Variants in CENPC observed in about 807,000 individuals in gnomAD.
CENPC encodes the protein CENP-C 1.
A neutral mutation model predicts 112.1 loss-of-function variants in CENPC; 63 were observed. That is an observed-to-expected ratio of 0.56 (90% CI 0.46 to 0.69). CENPC has a LOEUF of 0.69. Among genes scored for constraint, CENPC ranks in the 30% least tolerant of loss-of-function variants. The pLI, the probability that CENPC is intolerant of heterozygous loss-of-function variation, is 0.00. For synonymous variants in CENPC, 333 were observed against 367.6 expected (o/e 0.91, Z 1.08); for missense variants, 1,000 against 1,103.8 (o/e 0.91, Z 1.33).
At chr4:67,478,703 G>T (rs556717763) in intron 17 of CENPC, among the ~76,000 whole-genome samples, 1 of 150,706 alleles carries the variant, frequency 6.6e-6, no homozygotes, top group East Asian at 2.0e-4. Context: ...ACAATGAACA[G>T]AACAGTACCT....
chr4:67,477,710 A>C (rs1451441550), intron 17 of CENPC, among the ~76,000 whole-genome samples: 1 of 152,214 alleles, frequency 6.6e-6, no homozygotes, highest in Non-Finnish European at 1.5e-5. Context: ...TAAATCTCTG[A>C]ATTGCCAGAA....
intron 3 of CENPC, 115 bp downstream of exon 3, chr4:67,540,865 T>C (rs1726866311): frequency 1.3e-6 from 1 of 757,606 alleles, no homozygotes; most frequent in Non-Finnish European, 2.2e-6. Flanking sequence ...AGGGAAAATA[T>C]TTTCCATATA....
At chr4:67,498,096 G>A (rs1287766093) in intron 12 of CENPC, among the ~76,000 whole-genome samples, 2 of 151,810 alleles carry the variant, frequency 1.3e-5, no homozygotes, top group African/African-American at 4.8e-5. Context: ...GCTGGGTGTG[G>A]TGGTGTACAC....
At chr4:67,544,633 C>T (rs1038135293) in intron 1 of CENPC, among the ~76,000 whole-genome samples, 1 of 151,940 alleles carries the variant, frequency 6.6e-6, no homozygotes, top group Non-Finnish European at 1.5e-5. Context: ...GTAACCATAA[C>T]CAAAGTATGA....
chr4:67,480,360 C>A (rs1724920045), intron 17 of CENPC, among the ~76,000 whole-genome samples: 2 of 152,078 alleles, frequency 1.3e-5, no homozygotes, highest in Admixed American at 1.3e-4. Context: ...ATTCCAGGAC[C>A]AGATGGATTC....
chr4:67,486,548 C>T (rs1725099598), intron 17 of CENPC, among the ~76,000 whole-genome samples: 1 of 152,184 alleles, frequency 6.6e-6, no homozygotes, highest in Non-Finnish European at 1.5e-5. Context: ...ATTAGCGGTT[C>T]TCAATCAAGG....
At chr4:67,496,021 G>A (rs892843955) in intron 12 of CENPC, among the ~76,000 whole-genome samples, 2 of 152,132 alleles carry the variant, frequency 1.3e-5, no homozygotes, top group East Asian at 3.9e-4. Context: ...GGGCTTAAAA[G>A]GCTAAGTCCT....
intron 5 of CENPC, among the ~76,000 whole-genome samples, chr4:67,522,230 T>A (rs181125455): frequency 3.2e-4 from 49 of 152,276 alleles, no homozygotes; most frequent in African/African-American, 1.1e-3. Flanking sequence ...ACAGTAGTAT[T>A]TAAGTTGGGA....
chr4:67,514,043 GCTCAT>G (rs765516825), intron 8 of CENPC, 26 bp downstream of exon 8: 1 of 1,520,856 alleles, frequency 6.6e-7, no homozygotes, highest in Admixed American at 2.2e-5. Context: ...GTAGAATAAT[GCTCAT>G]GGTTATATTT....
At chr4:67,507,410 CTTCAGG>C (rs1449507272) in intron 10 of CENPC, among the ~76,000 whole-genome samples, 1 of 152,122 alleles carries the variant, frequency 6.6e-6, no homozygotes, top group Admixed American at 6.6e-5. Context: ...CTGTATAATT[CTTCAGG>C]TTCTAGTATC....
rs1418242134 is a variant in CENPC, at chr4:67,470,708, TAC to T, written c.*1895_*1896del. On this transcript the variant is annotated 3_prime_UTR_variant, in exon 19 of 19. Transcript: ENST00000273853. ...CACCCCTAGGTTGATTGGTAAAAAC[TAC>T]AGTTTTGTCTGGCTGTAGCTAACTG... 1.3e-5 allele frequency: 2 copies of T among 152,184 alleles called. No homozygotes were observed. The highest frequency in any genetic ancestry group is 2.9e-5 in the Non-Finnish European group (2 of 68,044). 9.4% of individuals were successfully genotyped at this position (152,184 alleles called of 1,614,324 possible).
chr4:67,482,154 C>T (rs1240961350), intron 17 of CENPC, among the ~76,000 whole-genome samples: 4 of 151,910 alleles, frequency 2.6e-5, no homozygotes, highest in Non-Finnish European at 4.4e-5. Context: ...GGCCAAGAAG[C>T]ACACAAAAAA....
At chr4:67,475,090 A>C in intron 17 of CENPC, 112 bp from the exon 18 acceptor site, 1 of 640,384 alleles carries the variant, frequency 1.6e-6, no homozygotes. Flanking sequence ...TGCTGGCTTT[A>C]ATCTCCAGAA....
chr4:67,519,887 C>T (rs966658320), intron 5 of CENPC, among the ~76,000 whole-genome samples: 4 of 152,052 alleles, frequency 2.6e-5, no homozygotes, highest in Admixed American at 1.3e-4. Context: ...CCCTTCAGAA[C>T]GAGATGGCAT....
chr4:67,508,700 C>CA, intron 10 of CENPC, 114 bp downstream of exon 10: 1 of 917,776 alleles, frequency 1.1e-6, no homozygotes, highest in Non-Finnish European at 1.6e-6. Context: ...CCAGGTATGT[C>CA]AGAGTGCAGA....
intron 17 of CENPC, among the ~76,000 whole-genome samples, chr4:67,475,603 G>T (rs926539825): frequency 6.6e-6 from 1 of 152,100 alleles, no homozygotes; most frequent in Non-Finnish European, 1.5e-5. Flanking sequence ...CAAGAGTATT[G>T]TTTCTTGTTT....
intron 5 of CENPC, among the ~76,000 whole-genome samples, chr4:67,528,314 T>C (rs983460839): frequency 6.6e-6 from 1 of 152,166 alleles, no homozygotes; most frequent in African/African-American, 2.4e-5. Context: ...TTTATTAAAA[T>C]ATTTTTTATG....
intron 4 of CENPC, among the ~76,000 whole-genome samples, chr4:67,537,346 T>C (rs926777850): frequency 2.6e-5 from 4 of 152,186 alleles, no homozygotes; most frequent in African/African-American, 4.8e-5. Context: ...TATTTTAATG[T>C]ATTATGTTTC....
rs1725322244 is a variant in CENPC at position 67,492,894 on chromosome 4, C to T, written c.2394G>A (p.Arg798=). The T allele has an allele frequency of 6.4e-7, 1 of 1,569,074 alleles. No homozygotes were observed. The highest frequency in any genetic ancestry group is 8.7e-7 in the Non-Finnish European group (1 of 1,152,738). ...TTCTTTCATCGTTATCAAGACAGAT[C>T]CTTTTCTTATTAGATTTTTTGTTGA... ...GKVNKKSNKK[R]ICLDNDERKT... is the part of the protein sequence containing the mutation. The change falls in exon 15 of 19, where the codon AGG becomes AGA. Residue 798 remains arginine, a synonymous_variant. Coordinates refer to ENST00000273853, the MANE Select transcript of CENPC (RefSeq NM_001812.4).
Sources: allele counts gnomAD v4.1 joint callset (sites outside exome capture counted in the v4.1 genomes callset), GRCh38; gene constraint gnomAD v4.1.1; transcripts MANE v1.5; gene names NCBI Gene and HGNC (gene_info 2026-07-23, HGNC 2026-07-21).